Variants in SPIRE1 observed in about 807,000 individuals in gnomAD.
The protein encoded by SPIRE1 is protein spire homolog 1.
A neutral mutation model predicts 94.1 loss-of-function variants in SPIRE1; 40 were observed. That is an observed-to-expected ratio of 0.43 (90% CI 0.33 to 0.55). SPIRE1 has a LOEUF of 0.55. Among genes scored for constraint, SPIRE1 ranks in the 20% least tolerant of loss-of-function variants. SPIRE1 has a pLI of 0.06. For synonymous variants in SPIRE1, 376 were observed against 371.7 expected (o/e 1.01, Z -0.13); for missense variants, 838 against 975.2 (o/e 0.86, Z 1.87).
At chr18:12,453,713 C>T (rs1404228019) in intron 13 of SPIRE1, among the ~76,000 whole-genome samples, 4 of 152,108 alleles carry the variant, frequency 2.6e-5, no homozygotes, top group Non-Finnish European at 4.4e-5. Context: ...GGATTACAGG[C>T]GTGAGCCACT....
chr18:12,658,642 G>T (rs1226111737), upstream of SPIRE1: 4 of 467,964 alleles, frequency 8.5e-6, no homozygotes, highest in Non-Finnish European at 1.8e-5. Flanking sequence ...GAAAATGCAG[G>T]CCCGCTGAAG....
chr18:12,567,685 T>C (rs2035852045), intron 2 of SPIRE1, among the ~76,000 whole-genome samples: 1 of 152,204 alleles, frequency 6.6e-6, no homozygotes, highest in African/African-American at 2.4e-5. Context: ...TATAAATTTT[T>C]GGTAGCATAC....
At position 12,452,348 on chromosome 18, in the gene SPIRE1, G is replaced by A; in HGVS notation, c.1919C>T (p.Ser640Leu). The A allele has an allele frequency of 6.2e-7, 1 of 1,614,032 alleles. No homozygotes were observed. Among genetic ancestry groups the A allele is most frequent in the South Asian group, 1.1e-5 (1 of 91,070 alleles). The change falls in exon 16 of 17, where the codon TCA becomes TTA. Residue 640 changes from serine to leucine, a missense_variant. Ser to Leu is a moderately radical substitution (Grantham distance 145). This residue lies in a region of SPIRE1 where 645 missense variants were observed against 804.7 expected (regional missense o/e 0.80). Transcript: ENST00000409402. ...SKPYSTLPIF[S>L]LGPSALQRGE... ...TCTTTGCAGAGCAGAAGGTCCCAAT[G>A]AAAAGATAGGAAGAGTGGAGTATGG...
intron 3 of SPIRE1, among the ~76,000 whole-genome samples, chr18:12,544,771 A>G (rs939657205): frequency 8.5e-5 from 13 of 152,236 alleles, no homozygotes; most frequent in African/African-American, 2.9e-4. Context: ...TAAATGTCCA[A>G]TAATTTTTTT....
chr18:12,589,815 G>A (rs535163170), intron 2 of SPIRE1, among the ~76,000 whole-genome samples: 2 of 152,294 alleles, frequency 1.3e-5, no homozygotes, highest in East Asian at 3.9e-4. Context: ...TCAAAACAGG[G>A]AAGCAGGGAC....
chr18:12,486,020 C>G lies in SPIRE1; in HGVS notation c.1190-20G>C, dbSNP rs2033026033. ...GCATTGCTGAAAAAAAGAAAACAAA[C>G]AATAAAAAGAAAATAATTCAGCTGT... On this transcript the variant is annotated intron_variant, in intron 8 of 16. Transcript: ENST00000409402. 6.6e-7 allele frequency: 1 copy of G among 1,510,540 alleles called. No homozygotes were observed. The highest frequency in any genetic ancestry group is 1.4e-5 in the African/African-American group (1 of 70,004). 93.6% of individuals were successfully genotyped at this position (1,510,540 alleles called of 1,614,324 possible). A position where few individuals can be genotyped will look rare whatever the true frequency, so the allele number is the denominator to read the frequency against.
At chr18:12,449,928 T>A (rs763385077) in intron 16 of SPIRE1, 32 bp from the exon 17 acceptor site, 1 of 1,605,718 alleles carries the variant, frequency 6.2e-7, no homozygotes, top group Non-Finnish European at 8.5e-7. Context: ...AGCCCAGCAT[T>A]GTTACTTATA....
chr18:12,453,734 T>C (rs2031364705), intron 13 of SPIRE1, among the ~76,000 whole-genome samples: 1 of 151,788 alleles, frequency 6.6e-6, no homozygotes, highest in Non-Finnish European at 1.5e-5. Context: ...GCACCCGGCC[T>C]TCTCAGATAC....
intron 2 of SPIRE1, among the ~76,000 whole-genome samples, chr18:12,634,686 G>A (rs910237260): frequency 6.6e-6 from 1 of 152,070 alleles, no homozygotes; most frequent in African/African-American, 2.4e-5. Context: ...TATAATCCCA[G>A]CACTTTGAAA....
At chr18:12,651,731 TTC>T (rs760810869) in intron 1 of SPIRE1, among the ~76,000 whole-genome samples, 16 of 152,172 alleles carry the variant, frequency 1.1e-4, no homozygotes, top group Admixed American at 5.2e-4. Flanking sequence ...TCCACAAATA[TTC>T]TCTCTTTAAA....
At chr18:12,582,104 G>C (rs1411939107) in intron 2 of SPIRE1, among the ~76,000 whole-genome samples, 1 of 152,100 alleles carries the variant, frequency 6.6e-6, no homozygotes, top group African/African-American at 2.4e-5. Flanking sequence ...AATCAAAATT[G>C]AGTCCTTTGT....
intron 9 of SPIRE1, among the ~76,000 whole-genome samples, chr18:12,482,717 C>T (rs2143785709): frequency 6.6e-6 from 1 of 152,150 alleles, no homozygotes; most frequent in South Asian, 2.1e-4. Context: ...GAGAAATTGT[C>T]CAATAGCTCT....
intron 12 of SPIRE1, among the ~76,000 whole-genome samples, chr18:12,459,204 T>A (rs929488781): frequency 2.6e-5 from 4 of 152,204 alleles, no homozygotes; most frequent in African/African-American, 9.7e-5. Context: ...AAAAGGAAAC[T>A]TGAAATTTCT....
chr18:12,604,298 G>C (rs2144653594), intron 2 of SPIRE1, among the ~76,000 whole-genome samples: 1 of 152,226 alleles, frequency 6.6e-6, no homozygotes, highest in South Asian at 2.1e-4. Flanking sequence ...TCCAGCAAGA[G>C]AGCATCAGAA....
At chr18:12,535,180 C>T (rs4510091) in intron 4 of SPIRE1, among the ~76,000 whole-genome samples, 14,202 of 152,246 alleles carry the variant, frequency 0.093, 948 homozygotes, top group Middle Eastern at 0.19. Context: ...GGGTGGAAAG[C>T]AAGTCACATG....
chr18:12,578,064 G>A (rs1230750182), intron 2 of SPIRE1, among the ~76,000 whole-genome samples: 1 of 152,182 alleles, frequency 6.6e-6, no homozygotes, highest in African/African-American at 2.4e-5. Flanking sequence ...AAGTATTGGT[G>A]AAGATGTGGA....
Position 12,549,478 on chromosome 18 carries a change from A to C in SPIRE1, c.373-2574T>G, listed in dbSNP as rs189517572. Among the ~76,000 whole-genome samples, 847 of 91,818 alleles carry C rather than the reference A, an allele frequency of 9.2e-3. 17 individuals carry two copies. The highest frequency in any genetic ancestry group is 0.039 in the Middle Eastern group (3 of 76). The allele number at this position is 91,818 out of a possible 152,430, so 60.2% of individuals were successfully genotyped here. ...TTTTTTTTTTTTTTTTTGGAGACAG[A>C]GTCTTGCTCTGTCACCAGGCTGGAG... On this transcript the variant is annotated intron_variant, in intron 2 of 16. Transcript: ENST00000409402.
chr18:12,557,915 G>A (rs991823116), intron 2 of SPIRE1, among the ~76,000 whole-genome samples: 19 of 151,938 alleles, frequency 1.3e-4, no homozygotes, highest in African/African-American at 4.6e-4. Context: ...ATATACACTG[G>A]GGAAAAGACG....
At chr18:12,650,238 C>CA (rs200052113) in intron 1 of SPIRE1, among the ~76,000 whole-genome samples, 3,639 of 149,900 alleles carry the variant, frequency 0.024, 56 homozygotes, top group South Asian at 0.062. Context: ...GACTCTGTCT[C>CA]AAAAAAAATA....
Sources: allele counts gnomAD v4.1 joint callset (sites outside exome capture counted in the v4.1 genomes callset), GRCh38; gene constraint gnomAD v4.1.1; regional missense constraint gnomAD v4.1.1; transcripts MANE v1.5; gene names NCBI Gene and HGNC (gene_info 2026-07-23, HGNC 2026-07-21).